NAA16: variants seen among roughly 807,000 people sequenced by gnomAD.
NAA16 encodes N-alpha-acetyltransferase 16, NatA auxiliary subunit.
A neutral mutation model predicts 110.3 loss-of-function variants in NAA16; 97 were observed. The observed-to-expected ratio is 0.88, with a 90% CI of 0.75 to 1.04. The LOEUF is 1.04. Among genes scored for constraint, NAA16 ranks in the 50% least tolerant of loss-of-function variants. The pLI is 0.00. For missense variants in NAA16, 1,017 were observed against 1,005.1 expected (o/e 1.01, Z -0.16); for synonymous variants, 372 against 330.6 (o/e 1.13, Z -1.36).
In NAA16 at chr13:41,361,971, A is replaced by G. The variant is rs894432646; in HGVS notation, c.1411-60A>G. 3.8e-6 allele frequency: 6 copies of G among 1,577,280 alleles called. No homozygotes were observed. In the Admixed American group the frequency reaches 5.7e-5, roughly 15 times the overall value. On this transcript the variant is annotated intron_variant, in intron 12 of 19. Coordinates refer to ENST00000379406, the MANE Select transcript of NAA16 (RefSeq NM_024561.5). ...CTGTAGCCCTAGTTGTAAAGAGGAA[A>G]TGATTTTTAGGATCTCTTTCATTGT...
intron 6 of NAA16, chr13:41,327,954 T>C (rs949389779): frequency 6.6e-6 from 1 of 152,006 alleles, no homozygotes; most frequent in South Asian, 2.1e-4. Context: ...TCCTCCAACA[T>C]GATGAAAGCA....
intron 13 of NAA16, among the ~76,000 whole-genome samples, chr13:41,365,464 C>G (rs17062062): frequency 0.087 from 13,301 of 152,140 alleles, 1,919 homozygotes; most frequent in African/African-American, 0.3. Flanking sequence ...AAAATTCAAC[C>G]CGAGATTATT....
chr13:41,367,878 A>T (rs1424697630), intron 14 of NAA16, among the ~76,000 whole-genome samples: 2 of 151,982 alleles, frequency 1.3e-5, no homozygotes, highest in Admixed American at 6.6e-5. Context: ...ACAACTTAGA[A>T]TTTTTTTTAT....
rs1158019532 is a variant in NAA16, at chr13:41,375,834, A to G, written c.*232A>G. On this transcript the variant is annotated 3_prime_UTR_variant, in exon 20 of 20. Coordinates refer to ENST00000379406, the MANE Select transcript of NAA16 (RefSeq NM_024561.5). ...TTGTGGTAGCTCCGATCGCTTCTGTATAATTATAATTTCTTACTAAGCTAA... is the reference window on the plus strand; with the variant it reads ...TTGTGGTAGCTCCGATCGCTTCTGTGTAATTATAATTTCTTACTAAGCTAA... The G allele has an allele frequency of 4.2e-5, 15 of 360,288 alleles. No individual in the cohort carries two copies. Among genetic ancestry groups the G allele is most frequent in the African/African-American group, 2.3e-4 (11 of 47,780 alleles). The allele number at this position is 360,288 out of a possible 1,614,324, so 22.3% of individuals were successfully genotyped here. A position where few individuals can be genotyped will look rare whatever the true frequency, so the allele number is the denominator to read the frequency against.
At chr13:41,366,953 A>G (rs2043219021) in intron 13 of NAA16, among the ~76,000 whole-genome samples, 1 of 152,176 alleles carries the variant, frequency 6.6e-6, no homozygotes, top group Non-Finnish European at 1.5e-5. Context: ...TCTGCTATGT[A>G]TTAGGCCCTG....
chr13:41,364,382 C>G (rs954043695), intron 13 of NAA16, among the ~76,000 whole-genome samples: 1 of 151,900 alleles, frequency 6.6e-6, no homozygotes, highest in Non-Finnish European at 1.5e-5. Flanking sequence ...AGTGTAGTAT[C>G]TTTTCTGTTT....
chr13:41,356,663 A>T (rs544260740), intron 10 of NAA16, among the ~76,000 whole-genome samples: 1 of 152,178 alleles, frequency 6.6e-6, no homozygotes, highest in Non-Finnish European at 1.5e-5. Context: ...ATTGGTTGTT[A>T]TATCTCCATA....
chr13:41,362,432 A>G, intron 13 of NAA16: 1 of 352,308 alleles, frequency 2.8e-6, no homozygotes, highest in South Asian at 2.8e-5. Context: ...TTCAAAATTT[A>G]TGTTCCCTAA....
intron 8 of NAA16, among the ~76,000 whole-genome samples, chr13:41,335,805 A>G (rs2042364793): frequency 6.6e-6 from 1 of 151,692 alleles, no homozygotes; most frequent in African/African-American, 2.4e-5. Context: ...AAGAAACCAT[A>G]GGAGGTCATT....
chr13:41,354,886 A>ATTTTT (rs10671840), intron 9 of NAA16, among the ~76,000 whole-genome samples: 138 of 112,426 alleles, frequency 1.2e-3, no homozygotes, highest in Non-Finnish European at 1.4e-3. Flanking sequence ...GGAGTGGTCC[A>ATTTTT]TTTTTTTTTT....
chr13:41,373,082 C>G, intron 17 of NAA16: 3 of 640,180 alleles, frequency 4.7e-6, no homozygotes, highest in Non-Finnish European at 5.2e-6. Flanking sequence ...TAACGTAAAG[C>G]AAAATAATAA....
chr13:41,330,180 T>G (rs1371116918), intron 7 of NAA16, among the ~76,000 whole-genome samples: 1 of 151,786 alleles, frequency 6.6e-6, no homozygotes. Flanking sequence ...AGAGCGAGGT[T>G]TTTTTTTGTT....
At chr13:41,353,636 A>G (rs1221494736) in intron 9 of NAA16, among the ~76,000 whole-genome samples, 2 of 151,932 alleles carry the variant, frequency 1.3e-5, no homozygotes, top group Non-Finnish European at 2.9e-5. Flanking sequence ...GCATGGTAAT[A>G]CATGCCTGTA....
intron 1 of NAA16, among the ~76,000 whole-genome samples, chr13:41,315,646 A>G (rs763043766): frequency 1.6e-4 from 25 of 152,050 alleles, no homozygotes; most frequent in Admixed American, 1.1e-3. Flanking sequence ...TAGCTGCTCA[A>G]TAAGTGGTAG....
intron 3 of NAA16, among the ~76,000 whole-genome samples, chr13:41,319,703 G>C (rs765068398): frequency 1.3e-5 from 2 of 152,054 alleles, no homozygotes; most frequent in Non-Finnish European, 2.9e-5. Flanking sequence ...TTTCAGTAGA[G>C]ATGGAGTTTC....
chr13:41,344,445 A>AT (rs1423614849), intron 9 of NAA16, among the ~76,000 whole-genome samples: 1 of 152,056 alleles, frequency 6.6e-6, no homozygotes, highest in Non-Finnish European at 1.5e-5. Context: ...TGGGGAGTGG[A>AT]TTTTTTCCCC....
At chr13:41,373,413 A>G (rs2043362231) in intron 17 of NAA16, 1 of 281,548 alleles carries the variant, frequency 3.6e-6, no homozygotes, top group South Asian at 1.4e-4. Context: ...GTGTACCACC[A>G]TGCCCGGCTA....
chr13:41,325,497 A>G (rs977304947), intron 5 of NAA16, among the ~76,000 whole-genome samples: 1 of 151,998 alleles, frequency 6.6e-6, no homozygotes, highest in Non-Finnish European at 1.5e-5. Context: ...GTCACTTGGG[A>G]ATAGACAGAA....
chr13:41,337,492 G>A (rs181287111), intron 9 of NAA16, among the ~76,000 whole-genome samples: 227 of 146,394 alleles, frequency 1.6e-3, no homozygotes, highest in Admixed American at 2.9e-3. Context: ...GAAGTGAGCC[G>A]AGATCGCGCC....
Sources: allele counts gnomAD v4.1 joint callset (sites outside exome capture counted in the v4.1 genomes callset), GRCh38; gene constraint gnomAD v4.1.1; transcripts MANE v1.5; gene names NCBI Gene and HGNC (gene_info 2026-07-23, HGNC 2026-07-21).